Variants in MCF2L2 observed in about 807,000 individuals in gnomAD.
The protein encoded by MCF2L2 is MCF.2 cell line derived transforming sequence-like 2.
Under a neutral mutation model 150.2 loss-of-function variants are expected in MCF2L2, and 102 were observed. That is an observed-to-expected ratio of 0.68 (90% CI 0.58 to 0.80). MCF2L2 has a LOEUF of 0.80. Ranked by LOEUF, MCF2L2 falls within the 30% of genes least tolerant of loss-of-function variation. MCF2L2 has a pLI of 0.00. For missense variants in MCF2L2, 1,256 were observed against 1,372.8 expected (o/e 0.91, Z 1.34); for synonymous variants, 465 against 491.3 (o/e 0.95, Z 0.71).
intron 5 of MCF2L2, among the ~76,000 whole-genome samples, chr3:183,331,710 A>G (rs1422943912): frequency 3.3e-5 from 5 of 152,174 alleles, no homozygotes; most frequent in Non-Finnish European, 7.3e-5. Flanking sequence ...CAGAATAGGG[A>G]AGTGCCTGGC....
intron 17 of MCF2L2, among the ~76,000 whole-genome samples, chr3:183,229,017 C>A: frequency 1.3e-5 from 2 of 152,190 alleles, no homozygotes; most frequent in East Asian, 1.9e-4. Context: ...GACCAACGGA[C>A]GAGGAATGGG....
chr3:183,281,499 T>G (rs1727479221), intron 14 of MCF2L2, among the ~76,000 whole-genome samples: 1 of 152,142 alleles, frequency 6.6e-6, no homozygotes, highest in African/African-American at 2.4e-5. Context: ...TAGCACTTCT[T>G]TTCCTACTTT....
chr3:183,281,317 T>C (rs1206107806), intron 14 of MCF2L2, among the ~76,000 whole-genome samples: 1 of 151,482 alleles, frequency 6.6e-6, no homozygotes, highest in Admixed American at 6.6e-5. Context: ...TGAGTGGCTC[T>C]GTCTTCCTCT....
chr3:183,394,410 C>G (rs1714329887), intron 1 of MCF2L2, among the ~76,000 whole-genome samples: 1 of 152,224 alleles, frequency 6.6e-6, no homozygotes, highest in South Asian at 2.1e-4. Flanking sequence ...CCGCCCCACC[C>G]TCCTACCTCC....
intron 1 of MCF2L2, among the ~76,000 whole-genome samples, chr3:183,423,323 G>A (rs56389669): frequency 0.085 from 12,886 of 152,196 alleles, 566 homozygotes; most frequent in African/African-American, 0.095. Flanking sequence ...CTGGCTGCAT[G>A]TTATCAATGT....
At chr3:183,253,999 C>T (rs923413647) in intron 15 of MCF2L2, 3 of 152,110 alleles carry the variant, frequency 2.0e-5, no homozygotes, top group Non-Finnish European at 4.4e-5. Flanking sequence ...GTGCCGCGGC[C>T]CCGAGCTGGG....
At chr3:183,194,013 A>G (rs776073195) in intron 26 of MCF2L2, among the ~76,000 whole-genome samples, 6 of 152,202 alleles carry the variant, frequency 3.9e-5, no homozygotes, top group Non-Finnish European at 7.3e-5. Flanking sequence ...TCCATGCCCT[A>G]GAGGAATTCA....
chr3:183,318,362 G>T, intron 6 of MCF2L2, 145 bp from the exon 7 acceptor site: 1 of 912,168 alleles, frequency 1.1e-6, no homozygotes, highest in Non-Finnish European at 1.7e-6. Context: ...GATTCTGATA[G>T]GGAGATTAAA....
At chr3:183,342,824 G>A (rs1300765532) in intron 3 of MCF2L2, among the ~76,000 whole-genome samples, 1 of 152,122 alleles carries the variant, frequency 6.6e-6, no homozygotes, top group African/African-American at 2.4e-5. Context: ...TACATGATAA[G>A]TAGTTGGCCT....
At chr3:183,216,529 T>G (rs1722923141) in intron 21 of MCF2L2, among the ~76,000 whole-genome samples, 1 of 138,038 alleles carries the variant, frequency 7.2e-6, no homozygotes, top group South Asian at 2.2e-4. Context: ...TATTATATAT[T>G]ATATAAAATA....
intron 27 of MCF2L2, among the ~76,000 whole-genome samples, chr3:183,191,852 T>A (rs920701395): frequency 1.3e-5 from 2 of 151,944 alleles, no homozygotes; most frequent in African/African-American, 4.8e-5. Context: ...ATTTTATTTA[T>A]TTTTTTGAGA....
intron 6 of MCF2L2, among the ~76,000 whole-genome samples, chr3:183,320,446 G>A (rs976962825): frequency 6.6e-6 from 1 of 152,134 alleles, no homozygotes; most frequent in African/African-American, 2.4e-5. Context: ...ATAACTTGCT[G>A]CAGCTTCTGT....
chr3:183,223,267 TACATGTGTAACG>T, intron 20 of MCF2L2, 67 bp downstream of exon 20: 1 of 1,058,732 alleles, frequency 9.4e-7, no homozygotes, highest in Non-Finnish European at 1.5e-6. Context: ...GGCACAGCTC[TACATGTGTAACG>T]ACATGGGCAC....
intron 1 of MCF2L2, among the ~76,000 whole-genome samples, chr3:183,402,457 A>AAAAAAAAAAAAAAAAAAAAAAAAAAG (rs1714817050): frequency 7.8e-6 from 1 of 128,820 alleles, no homozygotes; most frequent in Non-Finnish European, 1.6e-5. Flanking sequence ...CCATCAAAAA[A>AAAAAAAAAAAAAAAAAAAAAAAAAAG]AAAAAAAAAA....
chr3:183,205,454 T>C (rs888029236), intron 25 of MCF2L2, among the ~76,000 whole-genome samples: 3 of 152,166 alleles, frequency 2.0e-5, no homozygotes. Flanking sequence ...TTGAGCCTTG[T>C]GAATAATCTA....
intron 1 of MCF2L2, among the ~76,000 whole-genome samples, chr3:183,416,193 T>C (rs990585334): frequency 4.3e-4 from 66 of 152,314 alleles, no homozygotes; most frequent in African/African-American, 1.4e-3. Flanking sequence ...ATAGTATATC[T>C]ACGTATGTTA....
At chr3:183,285,927 C>T (rs184345387) in intron 14 of MCF2L2, among the ~76,000 whole-genome samples, 1 of 152,304 alleles carries the variant, frequency 6.6e-6, no homozygotes, top group East Asian at 1.9e-4. Flanking sequence ...TCCCGTGAGT[C>T]ATGCTTTCAC....
At chr3:183,190,969 T>C (rs1057472592) in intron 27 of MCF2L2, among the ~76,000 whole-genome samples, 1 of 152,230 alleles carries the variant, frequency 6.6e-6, no homozygotes, top group African/African-American at 2.4e-5. Context: ...CACCACAATC[T>C]CTGCCTCCTG....
rs1321097098 is a variant in MCF2L2, at chr3:183,267,947, G to T, written c.1862+8925C>A. ...ATGCCTACCAGGGGTCACACACTGAGCTGGATGCTGAGTGTAGGGTGTCCA... is the reference window on the plus strand; with the variant it reads ...ATGCCTACCAGGGGTCACACACTGATCTGGATGCTGAGTGTAGGGTGTCCA... On this transcript the variant is annotated intron_variant, in intron 15 of 29. Transcript: ENST00000328913. The surrounding 1 kb of genome is among the most constrained non-coding windows in gnomAD (Gnocchi z 5.5). 6.6e-6 allele frequency among the ~76,000 whole-genome samples: 1 copy of T among 152,194 alleles called. No individual in the cohort carries two copies. Among genetic ancestry groups the T allele is most frequent in the Admixed American group, 6.5e-5 (1 of 15,284 alleles).
Sources: allele counts gnomAD v4.1 joint callset (sites outside exome capture counted in the v4.1 genomes callset), GRCh38; gene constraint gnomAD v4.1.1; non-coding constraint Gnocchi (gnomAD v3.1); transcripts MANE v1.5; gene names NCBI Gene and HGNC (gene_info 2026-07-23, HGNC 2026-07-21).